ROR2: variants seen among roughly 807,000 people sequenced by gnomAD.
ROR2 encodes the protein ROR family WNT receptor 2, also known as tyrosine-protein kinase transmembrane receptor ROR2.
Under a neutral mutation model 74.9 loss-of-function variants are expected in ROR2, and 33 were observed. The ratio of observed to expected loss-of-function variants is 0.44; its 90% CI spans 0.33 to 0.59. The LOEUF (loss-of-function observed/expected upper bound fraction) is 0.59. Among genes scored for constraint, ROR2 ranks in the 20% least tolerant of loss-of-function variants. The pLI is 0.02. For missense variants in ROR2, 1,216 were observed against 1,313.8 expected (o/e 0.93, Z 1.15); for synonymous variants, 586 against 558.7 (o/e 1.05, Z -0.69).
At chr9:91,849,334 A>G (rs1382718732) in intron 1 of ROR2, among the ~76,000 whole-genome samples, 1 of 152,254 alleles carries the variant, frequency 6.6e-6, no homozygotes, top group East Asian at 1.9e-4. Flanking sequence ...CCCTGTAGGT[A>G]GAAATAAACT....
intron 2 of ROR2, among the ~76,000 whole-genome samples, chr9:91,769,839 G>T (rs985816411): frequency 6.6e-6 from 1 of 152,196 alleles, no homozygotes; most frequent in South Asian, 2.1e-4. Context: ...GACACTCAGA[G>T]AGCCCGGAGG....
At chr9:91,908,169 T>TG (rs1273868419) in intron 1 of ROR2, among the ~76,000 whole-genome samples, 2 of 152,232 alleles carry the variant, frequency 1.3e-5, no homozygotes, top group Non-Finnish European at 2.9e-5. Flanking sequence ...AGCAACTCCC[T>TG]GGTTTCCATC....
rs1052607091 is a variant in ROR2 at position 91,802,390 on chromosome 9, G to C, written c.98-26572C>G. 3.9e-5 allele frequency among the ~76,000 whole-genome samples: 6 copies of C among 152,108 alleles called. No homozygotes were observed. The South Asian group carries it at 8.3e-4, about 21-fold the overall frequency. ...CGCGCCTGGCCAATTTGGCTCACTT[G>C]GCCCAACCTGTCCTTTTGTATCACC... is the stretch of plus-strand genomic sequence containing the variant. On this transcript the variant is annotated intron_variant, in intron 1 of 8. Transcript: ENST00000375708.
intron 2 of ROR2, among the ~76,000 whole-genome samples, chr9:91,769,289 C>T (rs1826153582): frequency 6.6e-6 from 1 of 152,096 alleles, no homozygotes; most frequent in Non-Finnish European, 1.5e-5. Flanking sequence ...TGCAAGCCTC[C>T]CGTGTCCTCG....
intron 1 of ROR2, among the ~76,000 whole-genome samples, chr9:91,895,488 G>A (rs1173214245): frequency 6.6e-6 from 1 of 152,164 alleles, no homozygotes; most frequent in Non-Finnish European, 1.5e-5. Flanking sequence ...AGGTTACAGG[G>A]AATATGGGAA....
Position 91,789,510 on chromosome 9 carries a change from A to T in ROR2, c.98-13692T>A, listed in dbSNP as rs114002018. On this transcript the variant is annotated intron_variant, in intron 1 of 8. Transcript: ENST00000375708. ...CCCAATTGTAAGACCGTGCTGATGG[A>T]CTAATAGCACATCAGATATAAAGTC... is the stretch of plus-strand genomic sequence containing the variant. 1.7e-3 allele frequency among the ~76,000 whole-genome samples: 263 copies of T among 152,288 alleles called. 1 individual carries two copies. The highest frequency in any genetic ancestry group is 6.1e-3 in the African/African-American group (253 of 41,578).
intron 1 of ROR2, among the ~76,000 whole-genome samples, chr9:91,821,368 T>C (rs1255496292): frequency 6.6e-6 from 1 of 152,200 alleles, no homozygotes; most frequent in Non-Finnish European, 1.5e-5. Flanking sequence ...TTCGTTATTA[T>C]TGCCCAACTC....
rs1825506633 is a variant in ROR2 at position 91,748,641 on chromosome 9, G to A, written c.494+7430C>T. ...TTAAAAATAAAATTTGGGAGAGAAA[G>A]ATTATCAGTATCATTAGCAGAATCA... On this transcript the variant is annotated intron_variant, in intron 4 of 8. Coordinates refer to ENST00000375708, the MANE Select transcript of ROR2 (RefSeq NM_004560.4). Among the ~76,000 whole-genome samples the A allele has an allele frequency of 2.0e-5, 3 of 152,212 alleles. No individual in the cohort carries two copies. The South Asian group carries it at 6.2e-4, about 31-fold the overall frequency.
chr9:91,839,294 G>GTGTA (rs1828714117), intron 1 of ROR2, among the ~76,000 whole-genome samples: 5 of 142,526 alleles, frequency 3.5e-5, no homozygotes, highest in African/African-American at 1.3e-4. Flanking sequence ...GTGTGTGTGT[G>GTGTA]TAAGTACAGG....
chr9:91,732,408 C>T (rs997833003), intron 6 of ROR2, among the ~76,000 whole-genome samples: 1 of 152,150 alleles, frequency 6.6e-6, no homozygotes, highest in African/African-American at 2.4e-5. Context: ...GCATGCTCTT[C>T]GTCCTGTGCA....
At chr9:91,926,107 C>G (rs1039778353) in intron 1 of ROR2, among the ~76,000 whole-genome samples, 1 of 151,758 alleles carries the variant, frequency 6.6e-6, no homozygotes, top group Non-Finnish European at 1.5e-5. Flanking sequence ...TTAGGCCAGG[C>G]GCGGTGGCTC....
In ROR2 at chr9:91,772,950, A is replaced by T. The variant is rs191288613; in HGVS notation, c.175+2791T>A. 3.4e-3 allele frequency among the ~76,000 whole-genome samples: 522 copies of T among 152,378 alleles called. 4 individuals carry two copies. Among genetic ancestry groups the T allele is most frequent in the Middle Eastern group, 6.8e-3 (2 of 294 alleles). On this transcript the variant is annotated intron_variant, in intron 2 of 8. Coordinates refer to ENST00000375708, the MANE Select transcript of ROR2 (RefSeq NM_004560.4). ...TAAATGCCAGGAGCTTGCAGCATCCAGGGAATAAAATTTTCTGTCAAATTT... is the reference window on the plus strand; with the variant it reads ...TAAATGCCAGGAGCTTGCAGCATCCTGGGAATAAAATTTTCTGTCAAATTT...
At position 91,723,484 on chromosome 9, in the gene ROR2, CAGCT is replaced by C. The variant is rs201277426; in HGVS notation, c.*174_*177del. 1.1e-6 allele frequency: 1 copy of C among 920,156 alleles called. No homozygotes were observed. Among genetic ancestry groups the C allele is most frequent in the Non-Finnish European group, 1.6e-6 (1 of 632,748 alleles). The allele number at this position is 920,156 out of a possible 1,614,324, so 57.0% of individuals were successfully genotyped here. A position where few individuals can be genotyped will look rare whatever the true frequency, so the allele number is the denominator to read the frequency against. On this transcript the variant is annotated 3_prime_UTR_variant, in exon 9 of 9. Transcript: ENST00000375708. Reference sequence around the variant, plus strand: ...CTGGCTTGGGTGCTCCTAGGCAGGGCAGCTCTCTGTGTCAGAGGACAGAGAGGAG... The same window carrying C: ...CTGGCTTGGGTGCTCCTAGGCAGGGCCTCTGTGTCAGAGGACAGAGAGGAG...
rs1290799129 is a variant in ROR2, at chr9:91,726,568, T to G, written c.1359A>C (p.Glu453Asp). Residue 453 changes from glutamate to aspartate, a missense_variant, in exon 8 of 9, where the codon GAA becomes GAC. Coordinates refer to ENST00000375708, the MANE Select transcript of ROR2 (RefSeq NM_004560.4). ...QLMASPSQDMEMPLINQHKQA... is the reference protein window; with the variant it reads ...QLMASPSQDMDMPLINQHKQA... ...GTTTGTGCTGGTTAATGAGGGGCAT[T>G]TCCATGTCTTGGCTGGGCGAGGCCA... is the stretch of plus-strand genomic sequence containing the variant. 6.2e-7 allele frequency: 1 copy of G among 1,612,876 alleles called. No individual in the cohort carries two copies. Among genetic ancestry groups the G allele is most frequent in the Admixed American group, 1.7e-5 (1 of 60,016 alleles).
intron 1 of ROR2, among the ~76,000 whole-genome samples, chr9:91,827,918 G>A (rs1005247584): frequency 2.6e-5 from 4 of 152,196 alleles, no homozygotes; most frequent in African/African-American, 7.2e-5. Context: ...GTGCCATGTT[G>A]TTGTAGTTTT....
chr9:91,931,387 T>A (rs888320073), intron 1 of ROR2, among the ~76,000 whole-genome samples: 1 of 152,190 alleles, frequency 6.6e-6, no homozygotes, highest in African/African-American at 2.4e-5. Flanking sequence ...CATGAATATA[T>A]GTAAAAGACA....
At chr9:91,934,117 G>A (rs987218565) in intron 1 of ROR2, among the ~76,000 whole-genome samples, 45 of 152,076 alleles carry the variant, frequency 3.0e-4, no homozygotes, top group African/African-American at 1.1e-3. Context: ...GCGGGGGGGC[G>A]AGTGAAAAGG....
chr9:91,751,151 G>A (rs1057282624), intron 4 of ROR2, among the ~76,000 whole-genome samples: 1 of 152,000 alleles, frequency 6.6e-6, no homozygotes, highest in Admixed American at 6.6e-5. Context: ...AAGAGACTTG[G>A]GATGCACAGT....
chr9:91,732,711 C>T (rs933717293), intron 6 of ROR2, among the ~76,000 whole-genome samples: 4 of 152,202 alleles, frequency 2.6e-5, no homozygotes, highest in Admixed American at 1.3e-4. Context: ...TCTGCATTTT[C>T]GCCTGGCGGC....
Sources: allele counts gnomAD v4.1 joint callset (sites outside exome capture counted in the v4.1 genomes callset), GRCh38; gene constraint gnomAD v4.1.1; transcripts MANE v1.5; gene names NCBI Gene and HGNC (gene_info 2026-07-23, HGNC 2026-07-21).